RASAL2: variants seen among roughly 807,000 people sequenced by gnomAD.
The protein encoded by RASAL2 is ras GTPase-activating protein nGAP.
RASAL2 carries 58 observed loss-of-function variants against 128.9 expected under a neutral mutation model. The observed-to-expected ratio is 0.45, with a 90% confidence interval of 0.36 to 0.56. The LOEUF is 0.56. Ranked by LOEUF, RASAL2 falls within the 20% of genes least tolerant of loss-of-function variation. The pLI is 0.00. For synonymous variants in RASAL2, 561 were observed against 580.8 expected, an observed-to-expected ratio of 0.97 and a Z score of 0.49; for missense variants, 1,360 against 1,601.6, an observed-to-expected ratio of 0.85 and a Z score of 2.57.
chr1:178,424,764 A>G (rs796455056), intron 5 of RASAL2, among the ~76,000 whole-genome samples: 4 of 152,296 alleles, frequency 2.6e-5, no homozygotes, highest in Non-Finnish European at 4.4e-5. Context: ...CACAGCCCTC[A>G]TATTTTTAAA....
intron 1 of RASAL2, among the ~76,000 whole-genome samples, chr1:178,266,838 G>A (rs182413503): frequency 2.6e-5 from 4 of 152,314 alleles, no homozygotes; most frequent in Admixed American, 2.0e-4. Context: ...ATATGCAAAT[G>A]CAGAGTGCCA....
At chr1:178,223,681 T>C (rs1294691879) in intron 1 of RASAL2, among the ~76,000 whole-genome samples, 3 of 152,168 alleles carry the variant, frequency 2.0e-5, no homozygotes, top group Non-Finnish European at 2.9e-5. Context: ...AAAATGTTTT[T>C]TGGTGGTCAT....
At chr1:178,289,150 A>G (rs1301770996) in intron 2 of RASAL2, among the ~76,000 whole-genome samples, 3 of 152,168 alleles carry the variant, frequency 2.0e-5, no homozygotes, top group African/African-American at 7.2e-5. Context: ...TAAGCTCACT[A>G]GTGACCTTCC....
At chr1:178,208,394 G>T (rs1165227669) in intron 1 of RASAL2, among the ~76,000 whole-genome samples, 3 of 152,116 alleles carry the variant, frequency 2.0e-5, no homozygotes, top group African/African-American at 7.2e-5. Flanking sequence ...GCCGCTCTGG[G>T]AGTGTCTGTC....
chr1:178,375,883 A>T (rs573356964), intron 3 of RASAL2, among the ~76,000 whole-genome samples: 22 of 152,268 alleles, frequency 1.4e-4, no homozygotes, highest in African/African-American at 3.8e-4. Flanking sequence ...CAGACAGAAA[A>T]AACAGTTTTG....
intron 3 of RASAL2, among the ~76,000 whole-genome samples, chr1:178,360,846 T>C (rs1394541626): frequency 6.6e-6 from 1 of 152,182 alleles, no homozygotes; most frequent in Non-Finnish European, 1.5e-5. Context: ...TTTGTAGGTA[T>C]GGGTGGGAAG....
At chr1:178,106,872 T>C (rs916998676) in intron 1 of RASAL2, among the ~76,000 whole-genome samples, 3 of 152,222 alleles carry the variant, frequency 2.0e-5, no homozygotes, top group African/African-American at 7.2e-5. Context: ...GAGATTGTCA[T>C]GCCAGAGTGT....
At chr1:178,326,031 C>A (rs548330153) in intron 3 of RASAL2, among the ~76,000 whole-genome samples, 5 of 152,260 alleles carry the variant, frequency 3.3e-5, no homozygotes, top group African/African-American at 9.6e-5. Flanking sequence ...TTTGATTCTA[C>A]ATATAGCTAT....
intron 1 of RASAL2, among the ~76,000 whole-genome samples, chr1:178,280,138 T>C (rs1275828614): frequency 6.6e-6 from 1 of 152,182 alleles, no homozygotes; most frequent in Non-Finnish European, 1.5e-5. Context: ...TTTGGTATAG[T>C]ATTAACGAAG....
intron 3 of RASAL2, among the ~76,000 whole-genome samples, chr1:178,373,052 A>T (rs1044920246): frequency 2.6e-5 from 4 of 152,094 alleles, no homozygotes; most frequent in Admixed American, 2.0e-4. Context: ...AATTTGATTT[A>T]TCTTCTATTT....
At chr1:178,138,509 A>C (rs114966028) in intron 1 of RASAL2, among the ~76,000 whole-genome samples, 1,815 of 152,306 alleles carry the variant, frequency 0.012, 31 homozygotes, top group African/African-American at 0.038. Flanking sequence ...CATAACAGAG[A>C]GATTATATGT....
intron 3 of RASAL2, among the ~76,000 whole-genome samples, chr1:178,356,597 C>T (rs984874980): frequency 6.6e-6 from 1 of 151,978 alleles, no homozygotes; most frequent in African/African-American, 2.4e-5. Context: ...TCTTCTTATA[C>T]TATTTATATA....
chr1:178,241,282 A>G (rs1012127264), intron 1 of RASAL2, among the ~76,000 whole-genome samples: 1 of 152,302 alleles, frequency 6.6e-6, no homozygotes, highest in African/African-American at 2.4e-5. Context: ...AGCTGTTTAT[A>G]TACAGATATG....
intron 1 of RASAL2, among the ~76,000 whole-genome samples, chr1:178,266,948 G>C (rs533649856): frequency 6.6e-6 from 1 of 152,148 alleles, no homozygotes; most frequent in African/African-American, 2.4e-5. Context: ...CATGCTGGGC[G>C]GACCCAGTTT....
chr1:178,239,075 C>T lies in RASAL2; in HGVS notation c.203-44489C>T, dbSNP rs577396237. The stretch of plus-strand genomic sequence containing the variant: ...TTGAAATGTCTTAAAAAAATTTTGC[C>T]TCTAATTTCTGGATTTAAGGATGAT... On this transcript the variant is annotated intron_variant, in intron 1 of 17. Transcript: ENST00000367649. Among the ~76,000 whole-genome samples, 168 of 152,086 alleles carry T rather than the reference C, an allele frequency of 1.1e-3. 1 individual carries two copies. Among genetic ancestry groups the T allele is most frequent in the African/African-American group, 3.7e-3 (155 of 41,506 alleles).
intron 3 of RASAL2, among the ~76,000 whole-genome samples, chr1:178,344,924 CA>C (rs1307322579): frequency 6.6e-6 from 1 of 152,138 alleles, no homozygotes; most frequent in African/African-American, 2.4e-5. Context: ...CAAAATTCCA[CA>C]TTTAATTGTG....
At chr1:178,259,004 T>C (rs887479678) in intron 1 of RASAL2, among the ~76,000 whole-genome samples, 1 of 152,008 alleles carries the variant, frequency 6.6e-6, no homozygotes, top group Non-Finnish European at 1.5e-5. Context: ...ACACATATTA[T>C]ATGATTCCAT....
At chr1:178,341,644 G>T in intron 3 of RASAL2, 1 of 1,613,670 alleles carries the variant, frequency 6.2e-7, no homozygotes, top group African/African-American at 1.3e-5. Context: ...GAAATGAAAA[G>T]TCACGTATTT....
chr1:178,312,155 G>A (rs1287630122), intron 3 of RASAL2, among the ~76,000 whole-genome samples: 1 of 152,104 alleles, frequency 6.6e-6, no homozygotes, highest in Non-Finnish European at 1.5e-5. Context: ...CAAAACCCTA[G>A]CAAAATAATT....
Sources: allele counts gnomAD v4.1 joint callset (sites outside exome capture counted in the v4.1 genomes callset), GRCh38; gene constraint gnomAD v4.1.1; transcripts MANE v1.5; gene names NCBI Gene and HGNC (gene_info 2026-07-23, HGNC 2026-07-21).